The following ZFC3H1 variants were observed in gnomAD, a reference collection of about 807,000 sequenced individuals.
ZFC3H1 encodes the protein zinc finger C3H1 domain-containing protein.
ZFC3H1 carries 71 observed loss-of-function variants against 243.7 expected under a neutral mutation model. The observed-to-expected ratio is 0.29, with a 90% CI of 0.24 to 0.36. The LOEUF (loss-of-function observed/expected upper bound fraction) is 0.36, where lower values mean the gene tolerates loss of function less well. Among genes scored for constraint, ZFC3H1 ranks in the 10% least tolerant of loss-of-function variants. The pLI is 1.00. For synonymous variants in ZFC3H1, 838 were observed against 813.0 expected (o/e 1.03, Z -0.52); for missense variants, 1,966 against 2,317.1 (o/e 0.85, Z 3.11).
At chr12:71,614,346 T>C (rs1236643048) in intron 30 of ZFC3H1, among the ~76,000 whole-genome samples, 189 bp downstream of exon 30, 1 of 152,174 alleles carries the variant, frequency 6.6e-6, no homozygotes, top group African/African-American at 2.4e-5. Flanking sequence ...CACATTTTAA[T>C]TGTGCCTTAA....
chr12:71,663,582 G>T lies in ZFC3H1; in HGVS notation c.29C>A (p.Ala10Asp). 1 of 1,611,810 alleles carries T rather than the reference G, an allele frequency of 6.2e-7. No homozygotes were observed. Among genetic ancestry groups the T allele is most frequent in the Non-Finnish European group, 8.5e-7 (1 of 1,179,844 alleles). Residue 10 changes from alanine to aspartate, a missense_variant, in exon 1 of 35, where the codon GCC becomes GAC. Around this residue, in one of 4 missense-constraint regions of ZFC3H1, gnomAD observed 484 missense variants for 449.7 expected, o/e 1.08. Transcript: ENST00000378743. MATADTPAP[A>D]SSGLSPKEEG... is the part of the protein sequence containing the mutation. ...TTCCTTCGGCGAGAGGCCACTGGAG[G>T]CCGGGGCCGGAGTATCTGCGGTCGC... is the stretch of plus-strand genomic sequence containing the variant.
Position 71,635,446 on chromosome 12 carries a change from A to G in ZFC3H1, c.2235T>C (p.Ala745=). The change falls in exon 10 of 35, where the codon GCT becomes GCC. Residue 745 remains alanine, a synonymous_variant. Coordinates refer to ENST00000378743, the MANE Select transcript of ZFC3H1 (RefSeq NM_144982.5). ...CACCTTTAATTATTGCACTTACCTC[A>G]GCAGTTCGTCTTGCTTCTTTAATCA... ...ESMIKEARRT[A]EQASKPKVPP... 3.2e-6 allele frequency: 5 copies of G among 1,572,762 alleles called. No individual in the cohort carries two copies. The highest frequency in any genetic ancestry group is 1.2e-5 in the South Asian group (1 of 82,692).
rs576673339 is a variant in ZFC3H1, at chr12:71,661,815, C to T, written c.598+1198G>A. Among the ~76,000 whole-genome samples the T allele has an allele frequency of 2.0e-5, 3 of 152,280 alleles. No homozygotes were observed. In the East Asian group the frequency reaches 5.8e-4, roughly 29 times the overall value. On this transcript the variant is annotated intron_variant, in intron 1 of 34. Coordinates refer to ENST00000378743, the MANE Select transcript of ZFC3H1 (RefSeq NM_144982.5). ...TTTTCTCCGAAACAATCCTGAAATA[C>T]TCCTAACCCAACTTTTGGTTGCAGA...
At chr12:71,660,401 A>C (rs753577384) in intron 1 of ZFC3H1, 1 of 152,256 alleles carries the variant, frequency 6.6e-6, no homozygotes, top group Non-Finnish European at 1.5e-5. Context: ...CAGGACATCA[A>C]AACAAGCATC....
Position 71,631,958 on chromosome 12 carries a change from A to T in ZFC3H1, c.3360+14T>A. 1 of 1,603,344 alleles carries T rather than the reference A, an allele frequency of 6.2e-7. No homozygotes were observed. On this transcript the variant is annotated intron_variant, in intron 15 of 34. Coordinates refer to ENST00000378743, the MANE Select transcript of ZFC3H1 (RefSeq NM_144982.5). ...AATTCCAGATTTTAAAGAAAATATGAAATGTTCAGTTACCTGACCATGCAA... is the reference window on the plus strand; with the variant it reads ...AATTCCAGATTTTAAAGAAAATATGTAATGTTCAGTTACCTGACCATGCAA...
At chr12:71,642,642 TG>T (rs1398989308) in intron 5 of ZFC3H1, 83 bp from the exon 6 acceptor site, 6 of 1,458,676 alleles carry the variant, frequency 4.1e-6, no homozygotes, top group Non-Finnish European at 5.5e-6. Flanking sequence ...TTATCTTCTA[TG>T]GAAGAGTATC....
intron 6 of ZFC3H1, among the ~76,000 whole-genome samples, chr12:71,641,819 T>C (rs1309607103): frequency 1.3e-5 from 2 of 152,182 alleles, no homozygotes; most frequent in Non-Finnish European, 2.9e-5. Context: ...AGTTTGTTTT[T>C]TTAAAGAGTA....
intron 6 of ZFC3H1, 108 bp from the exon 7 acceptor site, chr12:71,638,623 G>T (rs1880526014): frequency 2.3e-6 from 2 of 873,328 alleles, no homozygotes. Flanking sequence ...GTGCAAATTA[G>T]ATTTTATCAA....
intron 2 of ZFC3H1, chr12:71,656,664 C>A: frequency 1.7e-6 from 1 of 583,742 alleles, no homozygotes. Flanking sequence ...GTATAACATT[C>A]TATTATAGAG....
At chr12:71,652,089 T>C (rs1469735712) in intron 2 of ZFC3H1, among the ~76,000 whole-genome samples, 3 of 152,162 alleles carry the variant, frequency 2.0e-5, no homozygotes, top group Non-Finnish European at 2.9e-5. Context: ...TATGAAGGTA[T>C]AGAAGAGTTG....
intron 1 of ZFC3H1, among the ~76,000 whole-genome samples, chr12:71,658,288 T>TTC (rs1881074229): frequency 7.0e-6 from 1 of 142,344 alleles, no homozygotes; most frequent in African/African-American, 2.7e-5. Flanking sequence ...ATAGATTTTT[T>TTC]TTTTTTTTTT....
intron 6 of ZFC3H1, among the ~76,000 whole-genome samples, chr12:71,640,849 A>G (rs1461393551): frequency 6.6e-6 from 1 of 151,808 alleles, no homozygotes; most frequent in Non-Finnish European, 1.5e-5. Context: ...TTTTTACCGT[A>G]TTTGAATTCT....
At chr12:71,613,257 C>G in intron 31 of ZFC3H1, 78 bp downstream of exon 31, 1 of 1,034,862 alleles carries the variant, frequency 9.7e-7, no homozygotes, top group Non-Finnish European at 1.4e-6. Flanking sequence ...CTATTTTTAT[C>G]AAGTTTTCAA....
intron 3 of ZFC3H1, among the ~76,000 whole-genome samples, chr12:71,646,008 CA>C (rs1178183281): frequency 6.6e-6 from 1 of 152,056 alleles, no homozygotes; most frequent in Non-Finnish European, 1.5e-5. Flanking sequence ...AAAAAGATTC[CA>C]AAAGATTAAG....
At chr12:71,634,921 GAATT>G in intron 10 of ZFC3H1, 96 bp from the exon 11 acceptor site, 1 of 1,340,038 alleles carries the variant, frequency 7.5e-7, no homozygotes, top group Non-Finnish European at 9.9e-7. Flanking sequence ...AGTGTATACT[GAATT>G]TATTTAGAAA....
chr12:71,641,733 G>C (rs1880606832), intron 6 of ZFC3H1, among the ~76,000 whole-genome samples: 1 of 152,214 alleles, frequency 6.6e-6, no homozygotes, highest in African/African-American at 2.4e-5. Context: ...ACTAGAAAGA[G>C]ACAGGAAGCC....
rs931060242 is a variant in ZFC3H1 at position 71,614,915 on chromosome 12, C to T, written c.5279G>A (p.Ser1760Asn). The part of the protein sequence containing the change: ...IYCLCHPLQS[S>N]IKETVEAYEA... ...ATATGCCTCCACTGTTTCTTTAATA[C>T]TTGATTGAAGAGGATGACAAAGGCT... is the stretch of plus-strand genomic sequence containing the variant. Residue 1760 changes from serine (S) to asparagine (N), a missense_variant, in exon 29 of 35, where the codon AGT becomes AAT. By Grantham distance (46) the Ser-to-Asn change is conservative. This residue lies in a region of ZFC3H1 where 1,383 missense variants were observed against 1,723.7 expected (regional missense o/e 0.80). Transcript: ENST00000378743. 4 of 1,613,446 alleles carry T rather than the reference C, an allele frequency of 2.5e-6. No homozygotes were observed. Among genetic ancestry groups the T allele is most frequent in the Non-Finnish European group, 3.4e-6 (4 of 1,179,528 alleles).
rs535438356 is a variant in ZFC3H1 at position 71,637,780 on chromosome 12, G to A, written c.1725+638C>T. On this transcript the variant is annotated intron_variant, in intron 7 of 34. Coordinates refer to ENST00000378743, the MANE Select transcript of ZFC3H1 (RefSeq NM_144982.5). Reference sequence around the variant, plus strand: ...AGACACTAGACGTCTTTCCTGAAACGGAAAAGTTCCCTCTTACACCTACTG... The same window carrying A: ...AGACACTAGACGTCTTTCCTGAAACAGAAAAGTTCCCTCTTACACCTACTG... Among the ~76,000 whole-genome samples, 42 of 152,170 alleles carry A rather than the reference G, an allele frequency of 2.8e-4. No individual in the cohort carries two copies. The South Asian group carries it at 4.1e-3, about 15-fold the overall frequency.
Position 71,644,904 on chromosome 12 carries a change from G to A in ZFC3H1, c.1252C>T (p.His418Tyr), listed in dbSNP as rs1270528791. The A allele has an allele frequency of 1.2e-6, 2 of 1,611,440 alleles. No individual in the cohort carries two copies. Among genetic ancestry groups the A allele is most frequent in the Admixed American group, 3.3e-5 (2 of 59,766 alleles). Residue 418 changes from histidine (H) to tyrosine (Y), a missense_variant, in exon 4 of 35, where the codon CAT (histidine) becomes TAT (tyrosine). Physicochemically the swap from His to Tyr is moderately conservative, Grantham distance 83. Coordinates refer to ENST00000378743, the MANE Select transcript of ZFC3H1 (RefSeq NM_144982.5). ...QQKVKTSTKT[H>Y]SAKKVSTTAK... Reference sequence around the variant, plus strand: ...GTAGTGCTAACTTTTTTGGCCGAATGTGTTTTTGTACTTGTTTTAACTTTT... The same window carrying A: ...GTAGTGCTAACTTTTTTGGCCGAATATGTTTTTGTACTTGTTTTAACTTTT...
Sources: allele counts gnomAD v4.1 joint callset (sites outside exome capture counted in the v4.1 genomes callset), GRCh38; gene constraint gnomAD v4.1.1; regional missense constraint gnomAD v4.1.1; transcripts MANE v1.5; gene names NCBI Gene and HGNC (gene_info 2026-07-23, HGNC 2026-07-21).